The following PEF1 variants were observed in gnomAD, a reference collection of about 807,000 sequenced individuals.
PEF1 encodes the protein penta-EF-hand domain containing 1, also known as peflin.
PEF1 carries 17 observed loss-of-function variants against 32.0 expected under a neutral mutation model. The observed-to-expected ratio is 0.53, with a 90% CI of 0.36 to 0.80. The LOEUF is 0.80. Among genes scored for constraint, PEF1 ranks in the 30% least tolerant of loss-of-function variants. The pLI, the probability that PEF1 is intolerant of heterozygous loss-of-function variation, is 0.00. For synonymous variants in PEF1, 130 were observed against 139.8 expected (o/e 0.93, Z 0.50); for missense variants, 362 against 369.1 (o/e 0.98, Z 0.16).
intron 1 of PEF1, among the ~76,000 whole-genome samples, chr1:31,641,993 A>C (rs1640401759): frequency 6.6e-6 from 1 of 152,240 alleles, no homozygotes; most frequent in African/African-American, 2.4e-5. Context: ...ACACTGTGGG[A>C]GGCTGAGGCA....
chr1:31,636,991 C>T lies in PEF1; in HGVS notation c.25-1469G>A, dbSNP rs142707649. Among the ~76,000 whole-genome samples the T allele has an allele frequency of 6.1e-3, 932 of 152,314 alleles. 8 individuals are homozygous for T. The highest frequency in any genetic ancestry group is 0.021 in the African/African-American group (893 of 41,562). ...GCACAGACAGCAGCTAGGCCCAGCT[C>T]CGAGAACGGCACCATCTAGATACGT... On this transcript the variant is annotated intron_variant, in intron 1 of 4. Transcript: ENST00000373703.
At chr1:31,639,615 G>A (rs1460160636) in intron 1 of PEF1, among the ~76,000 whole-genome samples, 1 of 152,218 alleles carries the variant, frequency 6.6e-6, no homozygotes, top group African/African-American at 2.4e-5. Flanking sequence ...ATGAGCCAGT[G>A]AGGGAGGCAG....
rs772440392 is a variant in PEF1, at chr1:31,632,577, T to A, written c.543A>T (p.Lys181Asn). ...AGAGGTTCTTCCACTGCTGGATGAATTTCCACAGGGCTGAGAAGCCGTAGA... is the reference window on the plus strand; with the variant it reads ...AGAGGTTCTTCCACTGCTGGATGAAATTCCACAGGGCTGAGAAGCCGTAGA... ...IDVYGFSALW[K>N]FIQQWKNLFQ... is the part of the protein sequence containing the mutation. The change falls in exon 4 of 5, where the codon AAA becomes AAT. Residue 181 changes from lysine to asparagine, a missense_variant. Lys to Asn is a moderately conservative substitution (Grantham distance 94). Coordinates refer to ENST00000373703, the MANE Select transcript of PEF1 (RefSeq NM_012392.4). 1 of 1,614,182 alleles carries A rather than the reference T, an allele frequency of 6.2e-7. No individual in the cohort carries two copies. Among genetic ancestry groups the A allele is most frequent in the South Asian group, 1.1e-5 (1 of 91,084 alleles).
chr1:31,639,222 G>A (rs1291121711), intron 1 of PEF1, among the ~76,000 whole-genome samples: 1 of 152,200 alleles, frequency 6.6e-6, no homozygotes, highest in East Asian at 1.9e-4. Flanking sequence ...CAGGGAATGA[G>A]TTAAACCGCA....
chr1:31,631,989 T>A (rs1424350708), intron 4 of PEF1, among the ~76,000 whole-genome samples: 3 of 152,214 alleles, frequency 2.0e-5, no homozygotes, highest in Non-Finnish European at 4.4e-5. Flanking sequence ...CACAGTCAGT[T>A]TGGAACCAGA....
At chr1:31,637,216 T>C (rs144421792) in intron 1 of PEF1, among the ~76,000 whole-genome samples, 44 of 152,242 alleles carry the variant, frequency 2.9e-4, no homozygotes, top group South Asian at 6.2e-4. Context: ...GAAGCTGTCA[T>C]AGCTACTAGC....
intron 1 of PEF1, among the ~76,000 whole-genome samples, chr1:31,638,876 G>T (rs556638803): frequency 1.3e-5 from 2 of 152,356 alleles, no homozygotes; most frequent in African/African-American, 2.4e-5. Context: ...TATTGTACTA[G>T]GCTCTGTAGT....
chr1:31,644,530 C>A, intron 1 of PEF1: 2 of 1,348,410 alleles, frequency 1.5e-6, no homozygotes, highest in Non-Finnish European at 9.5e-7. Flanking sequence ...CCGCCCAAGG[C>A]CCCCATGAGG....
At chr1:31,635,570 G>A (rs1485724054) in intron 1 of PEF1, 48 bp from the exon 2 acceptor site, 3 of 1,472,698 alleles carry the variant, frequency 2.0e-6, no homozygotes, top group East Asian at 2.3e-5. Flanking sequence ...CCAGAAACTA[G>A]GCAGAGTATG....
At chr1:31,639,650 GC>G (rs1396330741) in intron 1 of PEF1, among the ~76,000 whole-genome samples, 1 of 152,218 alleles carries the variant, frequency 6.6e-6, no homozygotes, top group Non-Finnish European at 1.5e-5. Flanking sequence ...GGCAGGCAGG[GC>G]ATGAACCAGA....
At chr1:31,643,013 T>C (rs1285630515) in intron 1 of PEF1, among the ~76,000 whole-genome samples, 2 of 152,196 alleles carry the variant, frequency 1.3e-5, no homozygotes, top group Admixed American at 6.5e-5. Flanking sequence ...TGTAGATTCC[T>C]GGGTACAGAA....
At chr1:31,644,517 C>T (rs1439633882) in intron 1 of PEF1, 3 of 1,327,734 alleles carry the variant, frequency 2.3e-6, no homozygotes, top group Non-Finnish European at 2.9e-6. Context: ...ATGGCTGATG[C>T]CCCCGCCCAA....
intron 1 of PEF1, among the ~76,000 whole-genome samples, chr1:31,639,177 C>T (rs1223037791): frequency 6.6e-6 from 1 of 152,106 alleles, no homozygotes; most frequent in African/African-American, 2.4e-5. Context: ...AGAAGAAAGA[C>T]AAACGCACAG....
rs1168684384 is a variant in PEF1 at position 31,632,694 on chromosome 1, TC to T, written c.482-57del. 39 of 1,584,778 alleles carry T rather than the reference TC, an allele frequency of 2.5e-5. 1 individual carries two copies. The East Asian group carries it at 8.1e-4, about 33-fold the overall frequency. On this transcript the variant is annotated intron_variant, in intron 3 of 4. Transcript: ENST00000373703. ...AGGCTTCAAGACTGAAGGCCAAGGGTCCCCCTCAGGACCCATTGAGGCAGCC... is the reference window on the plus strand; with the variant it reads ...AGGCTTCAAGACTGAAGGCCAAGGGTCCCCTCAGGACCCATTGAGGCAGCC...
At chr1:31,636,083 C>G (rs969842193) in intron 1 of PEF1, among the ~76,000 whole-genome samples, 9 of 152,170 alleles carry the variant, frequency 5.9e-5, no homozygotes, top group African/African-American at 2.2e-4. Context: ...ACTCACAACT[C>G]TGTGAGGCAG....
intron 2 of PEF1, chr1:31,634,903 T>C (rs1000251485): frequency 3.8e-6 from 2 of 522,208 alleles, no homozygotes; most frequent in African/African-American, 1.9e-5. Context: ...GCCACAAAGA[T>C]AACATATCCC....
chr1:31,631,517 T>G (rs894977555), intron 4 of PEF1, among the ~76,000 whole-genome samples: 2 of 152,046 alleles, frequency 1.3e-5, no homozygotes, highest in Non-Finnish European at 2.9e-5. Flanking sequence ...AAACCTCAGC[T>G]CTCCATTTGT....
chr1:31,632,716 C>A (rs1362270618), intron 3 of PEF1, 78 bp from the exon 4 acceptor site: 18 of 1,510,584 alleles, frequency 1.2e-5, no homozygotes. Context: ...CCCATTGAGG[C>A]AGCCCTTCTC....
chr1:31,630,488 T>C lies in PEF1; in HGVS notation c.*125A>G, dbSNP rs1362795191. 1 of 995,062 alleles carries C rather than the reference T, an allele frequency of 1.0e-6. No individual in the cohort carries two copies. Among genetic ancestry groups the C allele is most frequent in the Non-Finnish European group, 1.5e-6 (1 of 665,510 alleles). 61.6% of individuals were successfully genotyped at this position (995,062 alleles called of 1,614,324 possible). On this transcript the variant is annotated 3_prime_UTR_variant, in exon 5 of 5. Coordinates refer to ENST00000373703, the MANE Select transcript of PEF1 (RefSeq NM_012392.4). ...CTCTCCACCCTCTTTTGGAACAGTG[T>C]TGCATCAAGCAAGGGAGAATGTTCT... is the stretch of plus-strand genomic sequence containing the variant.
Sources: allele counts gnomAD v4.1 joint callset (sites outside exome capture counted in the v4.1 genomes callset), GRCh38; gene constraint gnomAD v4.1.1; transcripts MANE v1.5; gene names NCBI Gene and HGNC (gene_info 2026-07-23, HGNC 2026-07-21).